FILIP1: variants seen among roughly 807,000 people sequenced by gnomAD.
The protein encoded by FILIP1 is filamin-A-interacting protein 1.
A neutral mutation model predicts 102.1 loss-of-function variants in FILIP1; 61 were observed. That is an observed-to-expected ratio of 0.60 (90% CI 0.49 to 0.74). The LOEUF (loss-of-function observed/expected upper bound fraction) is 0.74, where lower values mean the gene tolerates loss of function less well. Ranked by LOEUF, FILIP1 falls within the 30% of genes least tolerant of loss-of-function variation. The pLI is 0.00. For synonymous variants in FILIP1, 491 were observed against 526.9 expected, an observed-to-expected ratio of 0.93 and a Z score of 0.93; for missense variants, 1,314 against 1,441.2, an observed-to-expected ratio of 0.91 and a Z score of 1.43.
At chr6:75,404,657 A>G (rs1410363165) in intron 2 of FILIP1, among the ~76,000 whole-genome samples, 1 of 152,136 alleles carries the variant, frequency 6.6e-6, no homozygotes, top group Non-Finnish European at 1.5e-5. Context: ...ACTCACTTTC[A>G]GCAGACCATA....
chr6:75,418,975 CT>C, intron 1 of FILIP1, among the ~76,000 whole-genome samples: 1 of 152,094 alleles, frequency 6.6e-6, no homozygotes, highest in Non-Finnish European at 1.5e-5. Flanking sequence ...GTCCTCTCTC[CT>C]TTTCATCTGC....
At chr6:75,414,607 A>G (rs914612919) in intron 2 of FILIP1, 90 bp downstream of exon 2, 1 of 1,237,496 alleles carries the variant, frequency 8.1e-7, no homozygotes, top group African/African-American at 1.5e-5. Flanking sequence ...CATAAAGTTC[A>G]TTACTCAGAG....
chr6:75,299,303 A>G (rs1772769740), intron 6 of FILIP1, among the ~76,000 whole-genome samples: 2 of 152,126 alleles, frequency 1.3e-5, no homozygotes, highest in African/African-American at 4.8e-5. Flanking sequence ...CTTCTTACAG[A>G]TCATAATTTT....
chr6:75,373,061 C>G (rs951630177), intron 2 of FILIP1, among the ~76,000 whole-genome samples: 1 of 152,038 alleles, frequency 6.6e-6, no homozygotes, highest in Admixed American at 6.5e-5. Flanking sequence ...AATGGACAAA[C>G]TAAATATGGT....
intron 6 of FILIP1, among the ~76,000 whole-genome samples, chr6:75,302,162 C>T (rs1260764941): frequency 6.6e-6 from 1 of 152,166 alleles, no homozygotes; most frequent in Non-Finnish European, 1.5e-5. Context: ...GAGGTGAGAA[C>T]TCCCCAGTCC....
At chr6:75,464,666 C>T (rs1779113901) in intron 1 of FILIP1, among the ~76,000 whole-genome samples, 1 of 152,184 alleles carries the variant, frequency 6.6e-6, no homozygotes, top group Admixed American at 6.5e-5. Context: ...CCTATTTTAA[C>T]TTCATACTAT....
intron 4 of FILIP1, chr6:75,319,012 A>G (rs1773543048): frequency 3.0e-6 from 2 of 662,612 alleles, no homozygotes; most frequent in Non-Finnish European, 5.3e-6. Flanking sequence ...ATGAAAAAAA[A>G]CTGTGCTAGA....
chr6:75,329,360 G>A (rs1317064371), intron 4 of FILIP1, among the ~76,000 whole-genome samples: 1 of 152,166 alleles, frequency 6.6e-6, no homozygotes, highest in Non-Finnish European at 1.5e-5. Flanking sequence ...TAGCTCCAGA[G>A]CATCAGTTGT....
chr6:75,311,844 G>T (rs894559071), intron 5 of FILIP1, among the ~76,000 whole-genome samples: 5 of 152,136 alleles, frequency 3.3e-5, no homozygotes, highest in Non-Finnish European at 7.4e-5. Flanking sequence ...CTGTCTGCAA[G>T]ATATGATTAA....
At chr6:75,307,092 C>G (rs979524547), downstream of FILIP1, among the ~76,000 whole-genome samples, 1 of 152,196 alleles carries the variant, frequency 6.6e-6, no homozygotes, top group African/African-American at 2.4e-5. Context: ...CATGAGCCAC[C>G]ATGCCTAGCT....
In FILIP1 at chr6:75,314,773, C is replaced by T. The variant is rs765063750; in HGVS notation, c.1059G>A (p.Gln353=). 82 of 1,613,986 alleles carry T rather than the reference C, an allele frequency of 5.1e-5. 2 individuals carry two copies. The South Asian group carries it at 7.6e-4, about 15-fold the overall frequency. Residue 353 remains glutamine, a synonymous_variant, in exon 5 of 6, where the codon CAG becomes CAA. Transcript: ENST00000237172. ...ATTCTTGAAGTTCTTCCTCTGCCTT[C>T]TGCAGATTTTTGTTGGTCTCTTCTA... ...EELEETNKNL[Q]KAEEELQELR...
intron 1 of FILIP1, among the ~76,000 whole-genome samples, chr6:75,475,269 C>T (rs1419724898): frequency 1.3e-5 from 2 of 152,080 alleles, no homozygotes; most frequent in African/African-American, 4.8e-5. Context: ...TGAAGTAGTT[C>T]CAGAGACACA....
At chr6:75,423,137 C>A (rs1321111759) in intron 1 of FILIP1, among the ~76,000 whole-genome samples, 1 of 152,120 alleles carries the variant, frequency 6.6e-6, no homozygotes, top group Non-Finnish European at 1.5e-5. Context: ...AAAGCTGATT[C>A]TTTTACAACT....
chr6:75,323,284 T>C (rs1346939253), intron 4 of FILIP1, among the ~76,000 whole-genome samples: 1 of 152,146 alleles, frequency 6.6e-6, no homozygotes, highest in Non-Finnish European at 1.5e-5. Context: ...CATTCTATGA[T>C]TGTTGATGGT....
chr6:75,319,082 C>G, intron 4 of FILIP1: 2 of 731,130 alleles, frequency 2.7e-6, no homozygotes, highest in Non-Finnish European at 5.0e-6. Flanking sequence ...TCTTCCTCCT[C>G]TTCATCCTCT....
chr6:75,348,108 A>G, intron 4 of FILIP1, among the ~76,000 whole-genome samples: 1 of 114,150 alleles, frequency 8.8e-6, no homozygotes, highest in Admixed American at 9.0e-5. Context: ...TTTCCCTCAA[A>G]TATTTCTTTA....
In FILIP1 at chr6:75,302,281, G is replaced by T. The variant is rs531319440; in HGVS notation, c.3494-6331C>A. ...CAGTACCTGGACTTCCTGTAATTCT[G>T]CCATCTCATTACCTGTGTGTTCTCA... On this transcript the variant is annotated intron_variant, in intron 6 of 6. Transcript: ENST00000393004. 5.3e-5 allele frequency among the ~76,000 whole-genome samples: 8 copies of T among 152,216 alleles called. No homozygotes were observed. The South Asian group carries it at 1.7e-3, about 32-fold the overall frequency.
At chr6:75,307,093 A>G (rs187762681), downstream of FILIP1, among the ~76,000 whole-genome samples, 16 of 152,296 alleles carry the variant, frequency 1.1e-4, no homozygotes, top group African/African-American at 3.6e-4. Flanking sequence ...ATGAGCCACC[A>G]TGCCTAGCTA....
At chr6:75,437,031 C>T (rs1778048699) in intron 1 of FILIP1, among the ~76,000 whole-genome samples, 1 of 152,160 alleles carries the variant, frequency 6.6e-6, no homozygotes, top group Admixed American at 6.5e-5. Flanking sequence ...CCTGCAGCCT[C>T]AACTCCCCGC....
Sources: gnomAD v4.1 joint callset for allele counts (sites outside exome capture counted in the v4.1 genomes callset) on GRCh38, gnomAD v4.1.1 for gene constraint, MANE v1.5 for transcripts, NCBI Gene and HGNC (gene_info 2026-07-23, HGNC 2026-07-21) for gene names.